The following OSMR variants were observed in gnomAD, a reference collection of about 807,000 sequenced individuals.
OSMR encodes oncostatin M receptor, also known as oncostatin-M-specific receptor subunit beta.
In OSMR, 81 loss-of-function variants were observed where a neutral mutation model predicts 99.9. The ratio of observed to expected loss-of-function variants is 0.81; its 90% confidence interval spans 0.68 to 0.97. The LOEUF (loss-of-function observed/expected upper bound fraction) is 0.97. Ranked by LOEUF, OSMR falls within the 50% of genes least tolerant of loss-of-function variation. OSMR has a pLI of 0.00. For synonymous variants in OSMR, 406 were observed against 410.4 expected (o/e 0.99, Z 0.13); for missense variants, 1,099 against 1,153.4 (o/e 0.95, Z 0.68).
intron 10 of OSMR, among the ~76,000 whole-genome samples, chr5:38,918,069 C>T (rs952943951): frequency 3.3e-5 from 5 of 152,078 alleles, no homozygotes; most frequent in African/African-American, 4.8e-5. Context: ...GTATTCTGAA[C>T]TCTGTGATGC....
chr5:38,885,801 G>T (rs1029192279), intron 6 of OSMR: 1 of 849,966 alleles, frequency 1.2e-6, no homozygotes, highest in Non-Finnish European at 1.4e-6. Flanking sequence ...TAAATTAAGG[G>T]ATGTTCTTGC....
At chr5:38,896,525 A>G (rs1180435354) in intron 7 of OSMR, among the ~76,000 whole-genome samples, 1 of 152,060 alleles carries the variant, frequency 6.6e-6, no homozygotes. Context: ...GAATTTGTTG[A>G]TCAGTTCTAA....
At chr5:38,911,168 T>G (rs1745554198) in intron 9 of OSMR, among the ~76,000 whole-genome samples, 1 of 152,020 alleles carries the variant, frequency 6.6e-6, no homozygotes, top group African/African-American at 2.4e-5. Flanking sequence ...TTAAGAAGAA[T>G]AAGTTTCATA....
At position 38,886,170 on chromosome 5, in the gene OSMR, T is replaced by G. The variant is rs766005194; in HGVS notation, c.971T>G (p.Leu324Arg). 9.3e-6 allele frequency: 15 copies of G among 1,613,910 alleles called. No homozygotes were observed. In the Admixed American group the frequency reaches 2.3e-4, roughly 25 times the overall value. Residue 324 changes from leucine (L) to arginine (R), a missense_variant, in exon 7 of 18, where the codon CTT (leucine) becomes CGT (arginine). Leu to Arg is a moderately radical substitution (Grantham distance 102). Coordinates refer to ENST00000274276, the MANE Select transcript of OSMR (RefSeq NM_003999.3). ...TTAAGGAAGAGAAGTGTCAATATCC[T>G]TTTTAACCTGACTCATCGAGGTGAG... is the stretch of plus-strand genomic sequence containing the variant. Reference protein sequence around the residue: ...NYLRKRSVNILFNLTHRVYLM... With the variant: ...NYLRKRSVNIRFNLTHRVYLM...
chr5:38,912,888 G>A (rs1172838604), intron 9 of OSMR, among the ~76,000 whole-genome samples: 2 of 152,046 alleles, frequency 1.3e-5, no homozygotes, highest in Non-Finnish European at 2.9e-5. Context: ...GAAGAATGAA[G>A]CTAGACCTGT....
At chr5:38,857,730 C>G (rs1011380386) in intron 1 of OSMR, among the ~76,000 whole-genome samples, 1 of 151,902 alleles carries the variant, frequency 6.6e-6, no homozygotes, top group African/African-American at 2.4e-5. Flanking sequence ...TGCAATGGTG[C>G]CATCTCAGCT....
chr5:38,915,765 TA>T (rs1745857267), intron 9 of OSMR, among the ~76,000 whole-genome samples: 1 of 152,232 alleles, frequency 6.6e-6, no homozygotes, highest in African/African-American at 2.4e-5. Context: ...AGACATGCTA[TA>T]GTTGTATTTT....
At chr5:38,939,852 C>T, downstream of OSMR, 1 of 224,162 alleles carries the variant, frequency 4.5e-6, no homozygotes, top group Non-Finnish European at 8.9e-6. Flanking sequence ...TTCCTAACCT[C>T]TTCTGCTATA....
chr5:38,929,772 G>A (rs775426708), intron 15 of OSMR, among the ~76,000 whole-genome samples: 2 of 152,132 alleles, frequency 1.3e-5, no homozygotes, highest in African/African-American at 2.4e-5. Flanking sequence ...TACTAATACA[G>A]TGATTGTGAA....
intron 1 of OSMR, among the ~76,000 whole-genome samples, chr5:38,867,388 C>G (rs952863279): frequency 7.2e-5 from 11 of 152,188 alleles, no homozygotes; most frequent in Non-Finnish European, 1.2e-4. Flanking sequence ...AGGACATAGG[C>G]AGTAACAATT....
In OSMR at chr5:38,846,068, C is replaced by G. The variant is rs1047851338; in HGVS notation, c.-333C>G. 6.6e-6 allele frequency: 1 copy of G among 152,466 alleles called. No individual in the cohort carries two copies. 9.4% of individuals were successfully genotyped at this position (152,466 alleles called of 1,614,324 possible). A position where few individuals can be genotyped will look rare whatever the true frequency, so the allele number is the denominator to read the frequency against. Reference sequence around the variant, plus strand: ...CTGCACGTCCGCCCCGGAGCCCGCACCCGCGCCCCACGCGCCGCCGAGGAC... The same window carrying G: ...CTGCACGTCCGCCCCGGAGCCCGCAGCCGCGCCCCACGCGCCGCCGAGGAC... On this transcript the variant is annotated 5_prime_UTR_variant, in exon 1 of 18. Coordinates refer to ENST00000274276, the MANE Select transcript of OSMR (RefSeq NM_003999.3).
chr5:38,898,950 C>T (rs1455127117), intron 7 of OSMR, among the ~76,000 whole-genome samples: 39 of 78,270 alleles, frequency 5.0e-4, no homozygotes, highest in African/African-American at 1.0e-3. Context: ...TACATAATAT[C>T]TTTTTTTTTT....
intron 9 of OSMR, among the ~76,000 whole-genome samples, chr5:38,906,466 G>T (rs959250185): frequency 1.3e-5 from 2 of 152,124 alleles, no homozygotes; most frequent in Admixed American, 1.3e-4. Context: ...TGAATTGATG[G>T]TATAAATGAT....
chr5:38,940,947 A>G (rs1016926418), intron 1 of OSMR: 22 of 232,568 alleles, frequency 9.5e-5, no homozygotes, highest in Non-Finnish European at 1.5e-4. Context: ...AAATGAATTA[A>G]AAAAGAATCC....
chr5:38,915,228 A>G (rs566287915), intron 9 of OSMR, among the ~76,000 whole-genome samples: 1 of 152,348 alleles, frequency 6.6e-6, no homozygotes, highest in South Asian at 2.1e-4. Flanking sequence ...CTTTGAATTT[A>G]TGTTTTCATA....
intron 9 of OSMR, among the ~76,000 whole-genome samples, chr5:38,906,340 T>C (rs1350480947): frequency 6.6e-6 from 1 of 152,164 alleles, no homozygotes; most frequent in African/African-American, 2.4e-5. Flanking sequence ...AAGGTGAACC[T>C]ATAGGAATTT....
intron 9 of OSMR, 134 bp from the exon 10 acceptor site, chr5:38,917,412 G>A (rs1745970017): frequency 1.4e-6 from 2 of 1,475,022 alleles, no homozygotes; most frequent in African/African-American, 2.8e-5. Flanking sequence ...AGAAGTCATA[G>A]AGAGTGAAAA....
chr5:38,923,283 T>C (rs766424625), intron 13 of OSMR, 29 bp downstream of exon 13: 2 of 1,294,292 alleles, frequency 1.5e-6, no homozygotes, highest in African/African-American at 1.5e-5. Flanking sequence ...ATGTGCCCCA[T>C]GTGCAGACTT....
intron 9 of OSMR, among the ~76,000 whole-genome samples, chr5:38,911,554 T>G (rs961578970): frequency 2.6e-5 from 4 of 152,212 alleles, no homozygotes; most frequent in Admixed American, 6.5e-5. Flanking sequence ...CCTCCCTAAC[T>G]CATTCTGTGA....
Sources: allele counts gnomAD v4.1 joint callset (sites outside exome capture counted in the v4.1 genomes callset), GRCh38; gene constraint gnomAD v4.1.1; transcripts MANE v1.5; gene names NCBI Gene and HGNC (gene_info 2026-07-23, HGNC 2026-07-21).